The following ARHGAP10 variants were observed in gnomAD, a reference collection of about 807,000 sequenced individuals.
ARHGAP10 encodes the protein Rho GTPase activating protein 10.
In ARHGAP10, 87 loss-of-function variants were observed where a neutral mutation model predicts 108.6. The observed-to-expected ratio is 0.80, with a 90% CI of 0.67 to 0.96. ARHGAP10 has a LOEUF of 0.96. ARHGAP10 is among the 40% of genes least tolerant of loss of function. The pLI is 0.00. For synonymous variants in ARHGAP10, 347 were observed against 341.1 expected (o/e 1.02, Z -0.19); for missense variants, 939 against 954.5 (o/e 0.98, Z 0.21).
chr4:148,036,139 GATAAT>G (rs1728368911), intron 19 of ARHGAP10, among the ~76,000 whole-genome samples: 1 of 150,156 alleles, frequency 6.7e-6, no homozygotes, highest in African/African-American at 2.5e-5. Flanking sequence ...TAATGTATAA[GATAAT>G]ATGATATAAT....
At chr4:147,882,479 G>A (rs1416233456) in intron 10 of ARHGAP10, among the ~76,000 whole-genome samples, 2 of 128,900 alleles carry the variant, frequency 1.6e-5, no homozygotes, top group Non-Finnish European at 3.4e-5. Flanking sequence ...AAAAAAAATT[G>A]CCTTGGAGCT....
At chr4:147,932,359 A>G (rs1737737543) in intron 13 of ARHGAP10, among the ~76,000 whole-genome samples, 1 of 152,200 alleles carries the variant, frequency 6.6e-6, no homozygotes, top group African/African-American at 2.4e-5. Flanking sequence ...GCATATGTTC[A>G]CTACATTACT....
chr4:147,786,737 A>G (rs532715738), intron 1 of ARHGAP10, among the ~76,000 whole-genome samples: 12 of 152,238 alleles, frequency 7.9e-5, no homozygotes, highest in Middle Eastern at 3.2e-3. Context: ...AGTGATTACT[A>G]TCTTGAACCT....
At position 147,906,692 on chromosome 4, in the gene ARHGAP10, G is replaced by T; in HGVS notation, c.1089G>T (p.Trp363Cys). The T allele has an allele frequency of 1.2e-6, 2 of 1,614,172 alleles. No homozygotes were observed. Among genetic ancestry groups the T allele is most frequent in the Non-Finnish European group, 1.7e-6 (2 of 1,180,014 alleles). Residue 363 changes from tryptophan (W) to cysteine (C), a missense_variant, in exon 11 of 23, where the codon TGG becomes TGT. Trp to Cys is a radical substitution (Grantham distance 215). Transcript: ENST00000336498. ...TTTCCGAAGAGGAAAGGAAGCAGTG[G>T]TTGGAAGCTCTGGGTGGAAAGGAAG... Reference protein sequence around the residue: ...QAFSEEERKQWLEALGGKEAL... With the variant: ...QAFSEEERKQCLEALGGKEAL...
rs1741646015 is a variant in ARHGAP10, at chr4:148,023,367, C to T, written c.1821C>T (p.Thr607=). 1.9e-6 allele frequency: 3 copies of T among 1,614,138 alleles called. No individual in the cohort carries two copies. The highest frequency in any genetic ancestry group is 1.7e-5 in the Admixed American group (1 of 60,024). Residue 607 remains threonine (T), a synonymous_variant, in exon 19 of 23, where the codon ACC becomes ACT. Transcript: ENST00000336498. The part of the protein sequence containing the change: ...PRQSKRQGQR[T]KRPVAVYNLC... ...AGTCGAAGAGACAAGGCCAGAGAAC[C>T]AAGAGGCCCGTGGCCGTCTACAATC...
intron 6 of ARHGAP10, chr4:147,865,757 T>G (rs966744906): frequency 3.3e-5 from 5 of 152,214 alleles, no homozygotes; most frequent in African/African-American, 1.2e-4. Context: ...AATGAGCATT[T>G]GTGGAGCTAT....
chr4:147,863,754 T>C (rs1326039815), intron 5 of ARHGAP10: 1 of 152,064 alleles, frequency 6.6e-6, no homozygotes, highest in Admixed American at 6.6e-5. Flanking sequence ...TTTTGAGGAG[T>C]GTTAGGTAGA....
At position 147,775,195 on chromosome 4, in the gene ARHGAP10, G is replaced by C. The variant is rs1182703586; in HGVS notation, c.154+42740G>C. ...CCCAAAGTGCTGGGATTACAGGCGT[G>C]AGCCACCGCACCGGCCTGATGGTCA... On this transcript the variant is annotated intron_variant, in intron 1 of 22. Coordinates refer to ENST00000336498, the MANE Select transcript of ARHGAP10 (RefSeq NM_024605.4). Among the ~76,000 whole-genome samples, 10 of 152,290 alleles carry C rather than the reference G, an allele frequency of 6.6e-5. No homozygotes were observed. The East Asian group carries it at 1.9e-3, about 29-fold the overall frequency.
chr4:147,809,633 A>G (rs1436422125), intron 1 of ARHGAP10, among the ~76,000 whole-genome samples: 1 of 152,052 alleles, frequency 6.6e-6, no homozygotes, highest in African/African-American at 2.4e-5. Flanking sequence ...CACATTCTCA[A>G]TCATTGCACT....
At chr4:147,893,747 C>T (rs1005297575) in intron 10 of ARHGAP10, among the ~76,000 whole-genome samples, 4 of 151,752 alleles carry the variant, frequency 2.6e-5, no homozygotes, top group African/African-American at 9.7e-5. Flanking sequence ...ATCAGTTACT[C>T]GGGAACTACC....
intron 10 of ARHGAP10, among the ~76,000 whole-genome samples, chr4:147,888,291 T>C (rs1413719431): frequency 6.6e-6 from 1 of 152,244 alleles, no homozygotes; most frequent in Non-Finnish European, 1.5e-5. Context: ...ACCTGGATCT[T>C]GTCCCTGACC....
chr4:147,954,208 G>A (rs1040679601), intron 15 of ARHGAP10, among the ~76,000 whole-genome samples: 2 of 152,012 alleles, frequency 1.3e-5, no homozygotes, highest in Non-Finnish European at 2.9e-5. Context: ...GGACATGCCA[G>A]TTGGATTAAG....
chr4:147,746,404 C>CT (rs557860855), intron 1 of ARHGAP10, among the ~76,000 whole-genome samples: 4,029 of 131,466 alleles, frequency 0.031, 99 homozygotes, highest in East Asian at 0.11. Context: ...GCCAGGCCTG[C>CT]TTTTTTTTTT....
intron 18 of ARHGAP10, among the ~76,000 whole-genome samples, chr4:147,998,347 A>G (rs1486664655): frequency 1.3e-5 from 2 of 152,328 alleles, no homozygotes; most frequent in Non-Finnish European, 1.5e-5. Context: ...GAGAATTTTC[A>G]AAGAGCAATC....
At chr4:147,767,095 C>A (rs1217622520) in intron 1 of ARHGAP10, among the ~76,000 whole-genome samples, 3 of 151,920 alleles carry the variant, frequency 2.0e-5, no homozygotes, top group African/African-American at 7.3e-5. Context: ...AAGCAATCCA[C>A]CCACTTTGGC....
intron 5 of ARHGAP10, among the ~76,000 whole-genome samples, chr4:147,859,342 G>C (rs574479187): frequency 7.0e-6 from 1 of 142,364 alleles, no homozygotes; most frequent in African/African-American, 2.6e-5. Flanking sequence ...GTTAGATCTT[G>C]GCTCACTGCA....
intron 1 of ARHGAP10, among the ~76,000 whole-genome samples, chr4:147,797,242 A>G (rs1211769246): frequency 5.9e-5 from 9 of 151,982 alleles, no homozygotes; most frequent in African/African-American, 2.2e-4. Context: ...TGTGTTTAAA[A>G]TTCTTCCATG....
chr4:147,752,030 C>T (rs559541839), intron 1 of ARHGAP10, among the ~76,000 whole-genome samples: 31 of 151,756 alleles, frequency 2.0e-4, no homozygotes, highest in African/African-American at 7.3e-4. Context: ...GGACTATAGG[C>T]GTGCGCCACC....
intron 18 of ARHGAP10, among the ~76,000 whole-genome samples, chr4:148,001,076 T>G (rs890581920): frequency 6.6e-6 from 1 of 152,240 alleles, no homozygotes; most frequent in Non-Finnish European, 1.5e-5. Flanking sequence ...TAATCCATCT[T>G]GAATTAATTT....
Sources: gnomAD v4.1 joint callset for allele counts (sites outside exome capture counted in the v4.1 genomes callset) on GRCh38, gnomAD v4.1.1 for gene constraint, MANE v1.5 for transcripts, NCBI Gene and HGNC (gene_info 2026-07-23, HGNC 2026-07-21) for gene names.